Variants in RABGAP1L observed in about 807,000 individuals in gnomAD.
RABGAP1L encodes the protein rab GTPase-activating protein 1-like.
In RABGAP1L, 63 loss-of-function variants were observed where a neutral mutation model predicts 137.7. The ratio of observed to expected loss-of-function variants is 0.46; its 90% CI spans 0.37 to 0.56. The LOEUF (loss-of-function observed/expected upper bound fraction) is 0.56. Ranked by LOEUF, RABGAP1L falls within the 20% of genes least tolerant of loss-of-function variation. RABGAP1L has a pLI of 0.00. For synonymous variants in RABGAP1L, 431 were observed against 433.7 expected (o/e 0.99, Z 0.08); for missense variants, 1,095 against 1,244.0 (o/e 0.88, Z 1.80).
chr1:174,681,152 T>C (rs1162517095), intron 14 of RABGAP1L, among the ~76,000 whole-genome samples: 3 of 152,186 alleles, frequency 2.0e-5, no homozygotes, highest in Non-Finnish European at 2.9e-5. Context: ...TGGGAAACAA[T>C]TTGGCAATTT....
intron 4 of RABGAP1L, among the ~76,000 whole-genome samples, chr1:174,232,166 C>T (rs779991595): frequency 6.6e-6 from 1 of 152,108 alleles, no homozygotes; most frequent in Non-Finnish European, 1.5e-5. Flanking sequence ...TCCTCTTATG[C>T]TTAATTAGGA....
At chr1:174,833,408 G>GTGTGTGTGTGTGTATATA (rs754029582) in intron 19 of RABGAP1L, among the ~76,000 whole-genome samples, 131 of 67,590 alleles carry the variant, frequency 1.9e-3, no homozygotes, top group South Asian at 4.9e-3. Context: ...GTGTATGTGT[G>GTGTGTGTGTGTGTATATA]TATGTGTGTG....
intron 15 of RABGAP1L, 118 bp downstream of exon 15, chr1:174,683,714 C>G (rs1190137735): frequency 5.7e-6 from 4 of 696,580 alleles, no homozygotes; most frequent in Non-Finnish European, 9.2e-6. Context: ...TATGGCATAT[C>G]TTTTTTAAAA....
intron 13 of RABGAP1L, chr1:174,548,026 C>T: frequency 6.4e-7 from 1 of 1,550,526 alleles, no homozygotes; most frequent in Non-Finnish European, 8.7e-7. Flanking sequence ...CCTAAAACAC[C>T]AACTTATTAA....
intron 13 of RABGAP1L, among the ~76,000 whole-genome samples, chr1:174,527,588 G>A (rs1311814048): frequency 6.6e-6 from 1 of 152,142 alleles, no homozygotes; most frequent in Non-Finnish European, 1.5e-5. Context: ...TCCATGTGCT[G>A]ATGAAAATAA....
chr1:174,553,025 T>A (rs1031950511), intron 13 of RABGAP1L, among the ~76,000 whole-genome samples: 1 of 152,232 alleles, frequency 6.6e-6, no homozygotes, highest in African/African-American at 2.4e-5. Context: ...CACATATATG[T>A]CTTCTTCTGG....
intron 19 of RABGAP1L, among the ~76,000 whole-genome samples, chr1:174,939,701 A>AAGTTTCCTCTG (rs1190555856): frequency 3.3e-5 from 5 of 152,346 alleles, no homozygotes; most frequent in African/African-American, 1.2e-4. Context: ...TGTCAAACAT[A>AAGTTTCCTCTG]TCAGAGAAAA....
At chr1:174,306,461 C>T (rs1678258714) in intron 11 of RABGAP1L, among the ~76,000 whole-genome samples, 1 of 152,206 alleles carries the variant, frequency 6.6e-6, no homozygotes, top group Non-Finnish European at 1.5e-5. Context: ...GCCATTCTAA[C>T]TGGTGTGAGA....
At chr1:174,166,787 A>G (rs535618655) in intron 1 of RABGAP1L, among the ~76,000 whole-genome samples, 2 of 152,318 alleles carry the variant, frequency 1.3e-5, no homozygotes, top group East Asian at 1.9e-4. Context: ...GTAAAGGTAA[A>G]AGCCTTCTTA....
At chr1:174,475,799 G>A (rs1049684231) in intron 13 of RABGAP1L, among the ~76,000 whole-genome samples, 18 of 112,886 alleles carry the variant, frequency 1.6e-4, no homozygotes, top group Admixed American at 4.5e-4. Context: ...AAAAAAAAAA[G>A]GTCAGATCTT....
intron 17 of RABGAP1L, among the ~76,000 whole-genome samples, chr1:174,742,691 C>G (rs1035454881): frequency 6.6e-6 from 1 of 152,148 alleles, no homozygotes; most frequent in Non-Finnish European, 1.5e-5. Context: ...AAAAGCACCC[C>G]TGCAGCCTGG....
intron 11 of RABGAP1L, among the ~76,000 whole-genome samples, chr1:174,363,200 T>A (rs572682675): frequency 6.6e-6 from 1 of 152,354 alleles, no homozygotes; most frequent in East Asian, 1.9e-4. Flanking sequence ...TAGTATAGTT[T>A]GAAGTAATGT....
At chr1:174,956,867 C>T (rs61828149) in intron 19 of RABGAP1L, among the ~76,000 whole-genome samples, 13,655 of 151,920 alleles carry the variant, frequency 0.09, 832 homozygotes, top group East Asian at 0.23. Flanking sequence ...AGGCTGGTCT[C>T]GAACTCCTGA....
intron 13 of RABGAP1L, among the ~76,000 whole-genome samples, chr1:174,532,225 T>C (rs902993911): frequency 6.6e-6 from 1 of 151,814 alleles, no homozygotes; most frequent in Non-Finnish European, 1.5e-5. Context: ...GTTTTTTTTT[T>C]TGGGACACAG....
chr1:174,474,284 A>G (rs1478987078), intron 13 of RABGAP1L, among the ~76,000 whole-genome samples: 2 of 152,188 alleles, frequency 1.3e-5, no homozygotes, highest in Non-Finnish European at 2.9e-5. Flanking sequence ...TATTTCTTCA[A>G]CTACATTGTC....
intron 18 of RABGAP1L, among the ~76,000 whole-genome samples, chr1:174,807,351 T>G (rs1202245942): frequency 2.0e-5 from 3 of 152,184 alleles, no homozygotes; most frequent in Non-Finnish European, 4.4e-5. Context: ...ATTGAAAAAG[T>G]ATTCTTTTAA....
chr1:174,314,573 T>C (rs1227743469), intron 11 of RABGAP1L, among the ~76,000 whole-genome samples: 3 of 152,172 alleles, frequency 2.0e-5, no homozygotes, highest in African/African-American at 7.2e-5. Flanking sequence ...TTTCTCATTT[T>C]TTTAAGATGC....
At chr1:174,372,697 GT>G (rs914832133) in intron 12 of RABGAP1L, among the ~76,000 whole-genome samples, 13 of 151,242 alleles carry the variant, frequency 8.6e-5, no homozygotes, top group Admixed American at 6.6e-4. Flanking sequence ...AAGTGTTGTT[GT>G]TTTTTTTTAT....
rs1414224368 is a variant in RABGAP1L at position 174,220,983 on chromosome 1, T to C, written c.150T>C (p.Asn50=). 1 of 1,608,544 alleles carries C rather than the reference T, an allele frequency of 6.2e-7. No homozygotes were observed. Among genetic ancestry groups the C allele is most frequent in the East Asian group, 2.2e-5 (1 of 44,606 alleles). ...TGCTGTGTCTGTAGATAGTTTCTAA[T>C]GGTGATGAACAATTGGAAAAAGCCA... The part of the protein sequence containing the change: ...EEKPQLKIVS[N]GDEQLEKAME... The change falls in exon 3 of 26, where the codon AAT becomes AAC. Residue 50 remains asparagine (N), a synonymous_variant. Coordinates refer to ENST00000681986, the MANE Select transcript of RABGAP1L (RefSeq NM_001366446.1).
Sources: allele counts gnomAD v4.1 joint callset (sites outside exome capture counted in the v4.1 genomes callset), GRCh38; gene constraint gnomAD v4.1.1; transcripts MANE v1.5; gene names NCBI Gene and HGNC (gene_info 2026-07-23, HGNC 2026-07-21).